Variants in RYR3 observed in about 807,000 individuals in gnomAD.
RYR3 encodes the protein ryanodine receptor 3.
A neutral mutation model predicts 584.3 loss-of-function variants in RYR3; 207 were observed. The observed-to-expected ratio is 0.35, with a 90% CI of 0.32 to 0.40. The LOEUF (loss-of-function observed/expected upper bound fraction) is 0.40, where lower values mean the gene tolerates loss of function less well. Ranked by LOEUF, RYR3 falls within the 10% of genes least tolerant of loss-of-function variation. The probability of loss-of-function intolerance (pLI) is 1.00; values close to 1 mark genes in which losing one functional copy is unlikely to be tolerated. For missense variants in RYR3, 5,616 were observed against 6,089.2 expected (o/e 0.92, Z 2.59); for synonymous variants, 2,416 against 2,248.5 (o/e 1.07, Z -2.11).
chr15:33,712,345 G>A (rs1249638748), intron 43 of RYR3, among the ~76,000 whole-genome samples: 1 of 152,186 alleles, frequency 6.6e-6, no homozygotes, highest in African/African-American at 2.4e-5. Context: ...GAATGGTGAT[G>A]ATGATGGCTG....
intron 67 of RYR3, among the ~76,000 whole-genome samples, chr15:33,788,768 C>T (rs1469813097): frequency 6.6e-6 from 1 of 152,332 alleles, no homozygotes; most frequent in South Asian, 2.1e-4. Context: ...TGTTCACTAA[C>T]GTATTCCTTC....
chr15:33,452,031 G>T (rs2047171071), intron 1 of RYR3, among the ~76,000 whole-genome samples: 1 of 152,186 alleles, frequency 6.6e-6, no homozygotes, highest in Non-Finnish European at 1.5e-5. Flanking sequence ...CCCGGAAAGG[G>T]CCTCCATGCT....
intron 60 of RYR3, among the ~76,000 whole-genome samples, chr15:33,762,330 A>T (rs557418358): frequency 6.6e-6 from 1 of 152,338 alleles, no homozygotes; most frequent in African/African-American, 2.4e-5. Flanking sequence ...CTGTTTGCAG[A>T]TGACATGATC....
At chr15:33,578,391 A>AT (rs1201061216) in intron 12 of RYR3, among the ~76,000 whole-genome samples, 3 of 152,238 alleles carry the variant, frequency 2.0e-5, no homozygotes, top group Non-Finnish European at 4.4e-5. Flanking sequence ...GATCAAGAAA[A>AT]TGTGGAACAT....
At chr15:33,594,449 A>G (rs1278921031) in intron 16 of RYR3, among the ~76,000 whole-genome samples, 1 of 152,230 alleles carries the variant, frequency 6.6e-6, no homozygotes, top group Non-Finnish European at 1.5e-5. Context: ...AAAGCCGTAA[A>G]TAGCTTAAAG....
intron 23 of RYR3, 134 bp downstream of exon 23, chr15:33,631,427 T>C (rs2061260262): frequency 3.4e-6 from 2 of 595,852 alleles, no homozygotes; most frequent in South Asian, 4.4e-5. Context: ...CCCTGTTTCC[T>C]AGATGACACT....
At chr15:33,355,115 C>T (rs886433676) in intron 1 of RYR3, among the ~76,000 whole-genome samples, 1 of 144,666 alleles carries the variant, frequency 6.9e-6, no homozygotes, top group South Asian at 2.2e-4. Flanking sequence ...ACCTGGGGGG[C>T]GGAGGTTGCA....
At chr15:33,783,821 C>T (rs1221341800) in intron 65 of RYR3, among the ~76,000 whole-genome samples, 1 of 152,174 alleles carries the variant, frequency 6.6e-6, no homozygotes, top group Non-Finnish European at 1.5e-5. Context: ...TTACCCATGG[C>T]CATTGTTGTC....
At chr15:33,513,387 C>T (rs896243743) in intron 3 of RYR3, among the ~76,000 whole-genome samples, 1 of 152,116 alleles carries the variant, frequency 6.6e-6, no homozygotes, top group South Asian at 2.1e-4. Flanking sequence ...AACCTTGTGA[C>T]CAACACTCCA....
At position 33,584,531 on chromosome 15, in the gene RYR3, GT is replaced by G. The variant is rs143908984; in HGVS notation, c.1669+51del. ...AAACTATAACTAGAAAAGATGAAGG[GT>G]TTTTTTTTTCTTTCTGTAAAAAAAG... On this transcript the variant is annotated intron_variant, in intron 15 of 103. Coordinates refer to ENST00000634891, the MANE Select transcript of RYR3 (RefSeq NM_001036.6). 929 of 780,476 alleles carry G rather than the reference GT, an allele frequency of 1.2e-3. 3 individuals are homozygous for G. The highest frequency in any genetic ancestry group is 3.8e-3 in the East Asian group (123 of 32,240). The allele number at this position is 780,476 out of a possible 1,614,324, so 48.3% of individuals were successfully genotyped here.
chr15:33,800,198 C>T (rs917045914), intron 67 of RYR3, among the ~76,000 whole-genome samples: 7 of 152,100 alleles, frequency 4.6e-5, no homozygotes, highest in African/African-American at 1.7e-4. Context: ...GATAATTGAT[C>T]TCTGCTTATA....
intron 1 of RYR3, among the ~76,000 whole-genome samples, chr15:33,362,651 A>G (rs1179934531): frequency 2.6e-5 from 4 of 152,054 alleles, no homozygotes; most frequent in Non-Finnish European, 5.9e-5. Flanking sequence ...CCTTTCACCT[A>G]TACAGTGTTT....
chr15:33,795,176 C>A (rs1340478986), intron 67 of RYR3, among the ~76,000 whole-genome samples: 1 of 152,014 alleles, frequency 6.6e-6, no homozygotes, highest in African/African-American at 2.4e-5. Context: ...CTGTTTTCTG[C>A]CCTGCCACAG....
intron 43 of RYR3, among the ~76,000 whole-genome samples, chr15:33,713,736 C>T (rs1186206432): frequency 2.0e-5 from 3 of 152,074 alleles, no homozygotes; most frequent in African/African-American, 7.2e-5. Context: ...CTGGGAAGTC[C>T]AGGATCAAGG....
rs1178626248 is a variant in RYR3 at position 33,580,038 on chromosome 15, A to G, written c.1331A>G (p.Gln444Arg). The change falls in exon 13 of 104, where the codon CAG becomes CGG. Residue 444 changes from glutamine to arginine, a missense_variant. Gln to Arg is a conservative substitution (Grantham distance 43). This residue lies in a region of RYR3 where 1,284 missense variants were observed against 1,344.6 expected (regional missense o/e 0.95). Transcript: ENST00000634891. ...ATAGAAGAAGTCCTGCAGACCCTAC[A>G]GGACTTGATCGCCTACTTCCAGCCC... ...LPIEEVLQTL[Q>R]DLIAYFQPPE... The G allele has an allele frequency of 1.2e-6, 2 of 1,613,780 alleles. No homozygotes were observed. The highest frequency in any genetic ancestry group is 1.7e-6 in the Non-Finnish European group (2 of 1,179,762).
At chr15:33,782,617 C>A (rs2074453861) in intron 65 of RYR3, among the ~76,000 whole-genome samples, 1 of 152,086 alleles carries the variant, frequency 6.6e-6, no homozygotes, top group South Asian at 2.1e-4. Flanking sequence ...TCATTCATTA[C>A]AAAGTGGGTG....
intron 1 of RYR3, among the ~76,000 whole-genome samples, chr15:33,448,471 A>C (rs2046847742): frequency 1.3e-5 from 2 of 152,150 alleles, no homozygotes; most frequent in Admixed American, 1.3e-4. Flanking sequence ...ACTATTGTAG[A>C]CCTCTCAGAG....
intron 10 of RYR3, among the ~76,000 whole-genome samples, chr15:33,561,124 T>C (rs1375481135): frequency 6.6e-6 from 1 of 152,256 alleles, no homozygotes; most frequent in African/African-American, 2.4e-5. Flanking sequence ...ATTCTCTCAA[T>C]ATATGTCTAT....
At chr15:33,533,287 C>T (rs1440338692) in intron 4 of RYR3, 24 bp from the exon 5 acceptor site, 2 of 1,522,484 alleles carry the variant, frequency 1.3e-6, no homozygotes, top group Admixed American at 1.8e-5. Context: ...TGTGACTTCA[C>T]TAGTATTTGC....
Sources: allele counts gnomAD v4.1 joint callset (sites outside exome capture counted in the v4.1 genomes callset), GRCh38; gene constraint gnomAD v4.1.1; regional missense constraint gnomAD v4.1.1; transcripts MANE v1.5; gene names NCBI Gene and HGNC (gene_info 2026-07-23, HGNC 2026-07-21).